The following RSAD2 variants were observed in gnomAD, a reference collection of about 807,000 sequenced individuals.
RSAD2 encodes the protein radical S-adenosyl methionine domain containing 2, also known as S-adenosylmethionine-dependent nucleotide dehydratase RSAD2.
A neutral mutation model predicts 37.7 loss-of-function variants in RSAD2; 38 were observed. The ratio of observed to expected loss-of-function variants is 1.01; its 90% confidence interval spans 0.78 to 1.32. The LOEUF is 1.32. Among genes scored for constraint, RSAD2 ranks in the 40% most tolerant of loss-of-function variants. RSAD2 has a pLI of 0.00. For synonymous variants in RSAD2, 163 were observed against 157.4 expected (o/e 1.04, Z -0.27); for missense variants, 428 against 437.5 (o/e 0.98, Z 0.19).
intron 2 of RSAD2, among the ~76,000 whole-genome samples, chr2:6,885,827 CT>C (rs1269280825): frequency 6.6e-6 from 1 of 152,078 alleles, no homozygotes; most frequent in Non-Finnish European, 1.5e-5. Flanking sequence ...AGTTACTTGC[CT>C]TTTCACAATG....
At chr2:6,876,889 T>C (rs1663291444), upstream of RSAD2, 1 of 152,202 alleles carries the variant, frequency 6.6e-6, no homozygotes, top group Non-Finnish European at 1.5e-5. Context: ...AGTCGCTTAC[T>C]CAGTCACCCA....
intron 3 of RSAD2, among the ~76,000 whole-genome samples, chr2:6,889,808 A>G (rs1224149097): frequency 6.6e-6 from 1 of 152,196 alleles, no homozygotes; most frequent in Non-Finnish European, 1.5e-5. Flanking sequence ...AGCAGAGAAA[A>G]CAATGTTTTT....
chr2:6,883,684 C>G, intron 2 of RSAD2, 152 bp downstream of exon 2: 1 of 838,558 alleles, frequency 1.2e-6, no homozygotes, highest in Middle Eastern at 3.3e-4. Context: ...GCTTTTCAAG[C>G]TGTGCACGGC....
intron 1 of RSAD2, among the ~76,000 whole-genome samples, chr2:6,879,669 G>T (rs375156747): frequency 9.3e-5 from 14 of 150,544 alleles, no homozygotes; most frequent in African/African-American, 2.7e-4. Context: ...GTACTATTTT[G>T]TTCAGTTTTT....
intron 1 of RSAD2, among the ~76,000 whole-genome samples, chr2:6,871,142 G>A (rs1428890399): frequency 6.6e-6 from 1 of 152,122 alleles, no homozygotes; most frequent in Non-Finnish European, 1.5e-5. Flanking sequence ...TCTCTCTTCG[G>A]GAAAATAACT....
rs76427873 is a variant in RSAD2, at chr2:6,878,465, G to A, written c.346+319G>A. 8.4e-4 allele frequency among the ~76,000 whole-genome samples: 128 copies of A among 152,264 alleles called. 1 individual carries two copies. In the East Asian group the frequency reaches 0.023, roughly 27 times the overall value. ...TATTACACTTGGTGTTTGGAAAGAG[G>A]CGGTTTGGGAAGTTTGTACTACTTT... On this transcript the variant is annotated intron_variant, in intron 1 of 5. Transcript: ENST00000382040.
chr2:6,884,983 C>T (rs553692809), intron 2 of RSAD2, among the ~76,000 whole-genome samples: 14 of 152,270 alleles, frequency 9.2e-5, no homozygotes, highest in African/African-American at 3.4e-4. Flanking sequence ...CTTAATGGGT[C>T]AGGGATGGGT....
upstream of RSAD2, among the ~76,000 whole-genome samples, chr2:6,873,488 A>G (rs756813187): frequency 3.3e-5 from 5 of 152,176 alleles, no homozygotes; most frequent in East Asian, 1.9e-4. Flanking sequence ...CCCTTTACCT[A>G]TTAGGTAACT....
chr2:6,877,631 C>A, upstream of RSAD2: 1 of 604,044 alleles, frequency 1.7e-6, no homozygotes, highest in South Asian at 2.1e-5. Context: ...CCTGTTTCAA[C>A]TTTCAGTTTC....
intron 1 of RSAD2, chr2:6,866,069 G>A (rs1663080220): frequency 3.6e-6 from 1 of 275,490 alleles, no homozygotes; most frequent in Non-Finnish European, 6.8e-6. Flanking sequence ...CGTTCTGCGG[G>A]TGGCTGGCGG....
chr2:6,893,725 T>C, intron 5 of RSAD2, 22 bp downstream of exon 5: 5 of 1,536,998 alleles, frequency 3.3e-6, no homozygotes, highest in Non-Finnish European at 4.5e-6. Flanking sequence ...CAATGAGTTA[T>C]AAAATTAAAA....
intron 1 of RSAD2, among the ~76,000 whole-genome samples, chr2:6,866,857 C>T (rs1200483925): frequency 2.0e-5 from 3 of 149,938 alleles, no homozygotes; most frequent in Admixed American, 2.0e-4. Context: ...TGGACTTAAA[C>T]TTGGGATTAT....
At chr2:6,876,406 AG>A (rs1229248021), upstream of RSAD2, among the ~76,000 whole-genome samples, 1 of 152,206 alleles carries the variant, frequency 6.6e-6, no homozygotes, top group Non-Finnish European at 1.5e-5. Flanking sequence ...GAGACTTCAA[AG>A]GTTGCTCCAG....
chr2:6,891,949 A>G (rs1174887248), intron 4 of RSAD2, among the ~76,000 whole-genome samples: 1 of 152,230 alleles, frequency 6.6e-6, no homozygotes, highest in Non-Finnish European at 1.5e-5. Flanking sequence ...AGGTACAGAT[A>G]AAAAACAGTA....
intron 2 of RSAD2, chr2:6,883,815 CTTAGT>C: frequency 2.9e-6 from 1 of 344,886 alleles, no homozygotes; most frequent in Non-Finnish European, 5.3e-6. Context: ...GATCTATGGC[CTTAGT>C]TTAGACACTA....
At chr2:6,884,274 G>A (rs1431463834) in intron 2 of RSAD2, among the ~76,000 whole-genome samples, 1 of 152,208 alleles carries the variant, frequency 6.6e-6, no homozygotes, top group Non-Finnish European at 1.5e-5. Flanking sequence ...GACATGGACT[G>A]TGGGGGAGGG....
chr2:6,886,304 G>A (rs1312089418), intron 2 of RSAD2, among the ~76,000 whole-genome samples: 4 of 152,208 alleles, frequency 2.6e-5, no homozygotes, highest in Admixed American at 2.0e-4. Flanking sequence ...CTCCCAAAAC[G>A]ACACGCTGTC....
At chr2:6,866,240 C>T (rs1663087032) in intron 1 of RSAD2, among the ~76,000 whole-genome samples, 1 of 152,240 alleles carries the variant, frequency 6.6e-6, no homozygotes, top group Non-Finnish European at 1.5e-5. Flanking sequence ...TGACCAGGCC[C>T]TGCAGACCAT....
exon 1 of RSAD2, chr2:6,865,995 G>A: frequency 1.4e-6 from 1 of 736,372 alleles, no homozygotes; most frequent in Non-Finnish European, 1.9e-6. Context: ...GTCCCCAGGC[G>A]CCGGCTCCCG....
Sources: allele counts gnomAD v4.1 joint callset (sites outside exome capture counted in the v4.1 genomes callset), GRCh38; gene constraint gnomAD v4.1.1; transcripts MANE v1.5; gene names NCBI Gene and HGNC (gene_info 2026-07-23, HGNC 2026-07-21).